PCNX2: variants seen among roughly 807,000 people sequenced by gnomAD.
The protein encoded by PCNX2 is pecanex 2.
PCNX2 carries 168 observed loss-of-function variants against 223.8 expected under a neutral mutation model. The ratio of observed to expected loss-of-function variants is 0.75; its 90% confidence interval spans 0.66 to 0.85. PCNX2 has a LOEUF of 0.85. Among genes scored for constraint, PCNX2 ranks in the 40% least tolerant of loss-of-function variants. The probability of loss-of-function intolerance (pLI) is 0.00; values close to 1 mark genes in which losing one functional copy is unlikely to be tolerated. For missense variants in PCNX2, 2,507 were observed against 2,675.5 expected, an observed-to-expected ratio of 0.94 and a Z score of 1.39; for synonymous variants, 1,006 against 1,052.6, an observed-to-expected ratio of 0.96 and a Z score of 0.86.
At chr1:233,311,648 G>T in the PCNX2 span, among the ~76,000 whole-genome samples, 1 of 152,058 alleles carries the variant, frequency 6.6e-6, no homozygotes, top group Middle Eastern at 3.4e-3. Flanking sequence ...AAAATTTGGG[G>T]GATCCATTTG....
chr1:233,198,662 G>T (rs1680875039), intron 15 of PCNX2, among the ~76,000 whole-genome samples: 1 of 152,150 alleles, frequency 6.6e-6, no homozygotes, highest in East Asian at 1.9e-4. Flanking sequence ...AACATGTTAA[G>T]CAGCAGCCCC....
chr1:233,035,689 T>C (rs957367453), intron 25 of PCNX2, among the ~76,000 whole-genome samples: 1 of 152,340 alleles, frequency 6.6e-6, no homozygotes, highest in Non-Finnish European at 1.5e-5. Context: ...GATACATATG[T>C]TGGATTATTA....
In PCNX2 at chr1:233,054,587, C is replaced by T. The variant is rs909042449; in HGVS notation, c.4136-104G>A. 1.3e-5 allele frequency: 11 copies of T among 868,614 alleles called. No homozygotes were observed. The Admixed American group carries it at 3.0e-4, about 24-fold the overall frequency. 53.8% of individuals were successfully genotyped at this position (868,614 alleles called of 1,614,324 possible). A position where few individuals can be genotyped will look rare whatever the true frequency, so the allele number is the denominator to read the frequency against. Reference sequence around the variant, plus strand: ...ATCTGATTAAGGGTAAAATCAGACTCTTTATATACATAAAAGAGGAAAGAT... The same window carrying T: ...ATCTGATTAAGGGTAAAATCAGACTTTTTATATACATAAAAGAGGAAAGAT... On this transcript the variant is annotated intron_variant, in intron 24 of 33. Coordinates refer to ENST00000258229, the MANE Select transcript of PCNX2 (RefSeq NM_014801.4).
At chr1:233,033,563 A>G (rs573039062) in intron 25 of PCNX2, among the ~76,000 whole-genome samples, 3 of 152,356 alleles carry the variant, frequency 2.0e-5, no homozygotes, top group Admixed American at 6.5e-5. Context: ...CAGGATCCTC[A>G]TAAAGAGAAC....
At chr1:233,030,079 A>T (rs1671213486) in intron 25 of PCNX2, among the ~76,000 whole-genome samples, 1 of 152,176 alleles carries the variant, frequency 6.6e-6, no homozygotes, top group Non-Finnish European at 1.5e-5. Context: ...CATATGTTAA[A>T]ATACTTGATA....
intron 17 of PCNX2, among the ~76,000 whole-genome samples, chr1:233,176,999 G>C (rs1205077587): frequency 2.6e-5 from 4 of 152,014 alleles, no homozygotes; most frequent in African/African-American, 9.7e-5. Flanking sequence ...GAGACAGTGA[G>C]ATTCTGTCTC....
chr1:233,018,573 G>A (rs893548295), intron 26 of PCNX2, among the ~76,000 whole-genome samples: 1 of 152,128 alleles, frequency 6.6e-6, no homozygotes, highest in Non-Finnish European at 1.5e-5. Flanking sequence ...CATCAAAAAG[G>A]CTAGCACCTG....
At chr1:233,056,872 C>T (rs1157338024) in intron 24 of PCNX2, among the ~76,000 whole-genome samples, 1 of 152,118 alleles carries the variant, frequency 6.6e-6, no homozygotes, top group African/African-American at 2.4e-5. Context: ...GAATGCTTTA[C>T]CTTTAAGGAT....
At position 233,252,410 on chromosome 1, in the gene PCNX2, G is replaced by A. The variant is rs1388791937; in HGVS notation, c.2072C>T (p.Thr691Ile). The change falls in exon 7 of 34, where the codon ACA becomes ATA. Residue 691 changes from threonine to isoleucine, a missense_variant. This residue lies in a region of PCNX2 where 1,031 missense variants were observed against 1,021.7 expected (regional missense o/e 1.01). Coordinates refer to ENST00000258229, the MANE Select transcript of PCNX2 (RefSeq NM_014801.4). ...SVLQVISGPETSVQEEISVDA... is the reference protein window; with the variant it reads ...SVLQVISGPEISVQEEISVDA... ...CACAGATATCTCTTCTTGTACAGAT[G>A]TTTCAGGCCCACTGATGACTTGCAA... is the stretch of plus-strand genomic sequence containing the variant. The A allele has an allele frequency of 1.2e-6, 2 of 1,613,792 alleles. No homozygotes were observed. The highest frequency in any genetic ancestry group is 1.1e-5 in the South Asian group (1 of 91,072).
intron 10 of PCNX2, among the ~76,000 whole-genome samples, chr1:233,219,419 G>T (rs569170806): frequency 6.6e-6 from 1 of 152,212 alleles, no homozygotes; most frequent in African/African-American, 2.4e-5. Flanking sequence ...TGGCAGAAAT[G>T]GAGTCACAGG....
the PCNX2 span, among the ~76,000 whole-genome samples, chr1:233,307,015 TAAAG>T: frequency 6.6e-6 from 1 of 152,146 alleles, no homozygotes. Context: ...AATTTGAAGA[TAAAG>T]AATCTGTTGG....
intron 2 of PCNX2, among the ~76,000 whole-genome samples, 175 bp downstream of exon 2, chr1:233,262,783 A>AAT (rs1477517322): frequency 6.6e-6 from 1 of 152,236 alleles, no homozygotes; most frequent in Non-Finnish European, 1.5e-5. Context: ...AAGCCAGTTA[A>AAT]ACCATCTTGA....
the PCNX2 span, among the ~76,000 whole-genome samples, chr1:233,301,539 T>C: frequency 6.6e-6 from 1 of 152,172 alleles, no homozygotes; most frequent in South Asian, 2.1e-4. Context: ...AAAAACATAT[T>C]AGCAATCTGA....
chr1:233,039,949 T>A (rs1485723944), intron 25 of PCNX2, among the ~76,000 whole-genome samples: 2 of 152,126 alleles, frequency 1.3e-5, no homozygotes, highest in Non-Finnish European at 2.9e-5. Context: ...AACTATTAGA[T>A]GAGCAAAAAC....
intron 8 of PCNX2, among the ~76,000 whole-genome samples, chr1:233,241,031 T>C (rs936998679): frequency 2.6e-5 from 4 of 152,170 alleles, no homozygotes; most frequent in African/African-American, 7.2e-5. Context: ...TCCAGGGACA[T>C]GGGCACAAGG....
chr1:233,174,293 G>A (rs969497663), intron 17 of PCNX2, among the ~76,000 whole-genome samples: 17 of 144,654 alleles, frequency 1.2e-4, no homozygotes, highest in Admixed American at 2.1e-4. Context: ...TTTATATAAT[G>A]TAAAATAGCA....
At chr1:233,011,345 C>T (rs1283065828) in intron 28 of PCNX2, among the ~76,000 whole-genome samples, 1 of 152,160 alleles carries the variant, frequency 6.6e-6, no homozygotes, top group Non-Finnish European at 1.5e-5. Context: ...ATTCAACATC[C>T]TTTCTTGATA....
At chr1:233,137,529 C>T (rs1037742635) in intron 20 of PCNX2, among the ~76,000 whole-genome samples, 6 of 152,136 alleles carry the variant, frequency 3.9e-5, no homozygotes, top group African/African-American at 7.2e-5. Context: ...TTTAGAAGTT[C>T]GGTGATGTTT....
In PCNX2 at chr1:233,295,309, G is replaced by GGTGCAGGT; in HGVS notation, c.153+16_153+17insACCTGCAC. The GGTGCAGGT allele has an allele frequency of 1.9e-6, 3 of 1,572,282 alleles. No homozygotes were observed. Among genetic ancestry groups the GGTGCAGGT allele is most frequent in the Non-Finnish European group, 2.6e-6 (3 of 1,158,688 alleles). On this transcript the variant is annotated intron_variant, in intron 1 of 33. Transcript: ENST00000258229. The surrounding 1 kb of genome is among the most constrained non-coding windows in gnomAD (Gnocchi z 4.1). ...TCCATACCCACAGCTCCCCGGGACC[G>GGTGCAGGT]GACCCTCCCCACTCACCAGGTGCAG...
Sources: allele counts gnomAD v4.1 joint callset (sites outside exome capture counted in the v4.1 genomes callset), GRCh38; gene constraint gnomAD v4.1.1; regional missense constraint gnomAD v4.1.1; non-coding constraint Gnocchi (gnomAD v3.1); transcripts MANE v1.5; gene names NCBI Gene and HGNC (gene_info 2026-07-23, HGNC 2026-07-21).